The following FMN2 variants were observed in gnomAD, a reference collection of about 807,000 sequenced individuals.
FMN2 encodes formin 2, also known as formin-2.
FMN2 carries 51 observed loss-of-function variants against 142.3 expected under a neutral mutation model. The ratio of observed to expected loss-of-function variants is 0.36; its 90% CI spans 0.29 to 0.45. The LOEUF is 0.45. Among genes scored for constraint, FMN2 ranks in the 20% least tolerant of loss-of-function variants. The pLI is 1.00. For synonymous variants in FMN2, 882 were observed against 869.8 expected (o/e 1.01, Z -0.25); for missense variants, 1,936 against 2,122.8 (o/e 0.91, Z 1.73).
intron 14 of FMN2, 32 bp downstream of exon 14, chr1:240,355,940 T>G: frequency 1.8e-6 from 1 of 547,536 alleles, no homozygotes; most frequent in Admixed American, 3.4e-5. Flanking sequence ...TATGTTTTTC[T>G]CCCCTTTCAG....
At chr1:240,455,491 A>G (rs1050533342) in intron 16 of FMN2, among the ~76,000 whole-genome samples, 2 of 152,210 alleles carry the variant, frequency 1.3e-5, no homozygotes, top group African/African-American at 4.8e-5. Flanking sequence ...GTCCCAACGC[A>G]GTGACTAGCC....
At chr1:240,282,110 T>C (rs1669415973) in intron 7 of FMN2, among the ~76,000 whole-genome samples, 1 of 152,184 alleles carries the variant, frequency 6.6e-6, no homozygotes, top group African/African-American at 2.4e-5. Flanking sequence ...ACAAGGACTG[T>C]TTTCCACACA....
chr1:240,236,385 G>A (rs561087025), intron 6 of FMN2, among the ~76,000 whole-genome samples: 8 of 152,178 alleles, frequency 5.3e-5, no homozygotes, highest in South Asian at 4.1e-4. Flanking sequence ...GTATTTCCTC[G>A]TCGCCAGCAT....
At chr1:240,192,817 T>C (rs1282885963) in intron 4 of FMN2, among the ~76,000 whole-genome samples, 1 of 148,120 alleles carries the variant, frequency 6.8e-6, no homozygotes, top group African/African-American at 2.5e-5. Context: ...GTATTCACCA[T>C]ACTATGTTAA....
chr1:240,215,534 T>A (rs1280655668), intron 6 of FMN2, among the ~76,000 whole-genome samples: 7 of 152,228 alleles, frequency 4.6e-5, no homozygotes, highest in Non-Finnish European at 1.5e-5. Flanking sequence ...TGAGTGTAAG[T>A]ACAGTATTTT....
chr1:240,213,081 T>C (rs761400629), intron 6 of FMN2, among the ~76,000 whole-genome samples: 12 of 152,212 alleles, frequency 7.9e-5, no homozygotes, highest in Non-Finnish European at 1.5e-4. Flanking sequence ...TACTGAAATA[T>C]GATTTACATG....
At chr1:240,196,910 G>C (rs11801848) in intron 4 of FMN2, among the ~76,000 whole-genome samples, 41,982 of 152,086 alleles carry the variant, frequency 0.28, 6,313 homozygotes, top group South Asian at 0.36. Context: ...TATTTTGTTG[G>C]AGGATAAGAT....
intron 16 of FMN2, among the ~76,000 whole-genome samples, chr1:240,440,790 A>C (rs12136687): frequency 0.74 from 112,614 of 152,062 alleles, 42,256 homozygotes; most frequent in African/African-American, 0.86. Context: ...GAGTTGTTTG[A>C]AGAACAACTC....
chr1:240,357,875 G>A (rs1672327298), intron 14 of FMN2, among the ~76,000 whole-genome samples: 1 of 152,082 alleles, frequency 6.6e-6, no homozygotes, highest in African/African-American at 2.4e-5. Context: ...CCAAAGTGCT[G>A]GGATTACAGG....
rs550723570 is a variant in FMN2, at chr1:240,430,175, T to C, written c.4911-7886T>C. 1.2e-4 allele frequency among the ~76,000 whole-genome samples: 19 copies of C among 152,246 alleles called. No individual in the cohort carries two copies. The South Asian group carries it at 1.7e-3, about 13-fold the overall frequency. On this transcript the variant is annotated intron_variant, in intron 15 of 17. Transcript: ENST00000319653. ...TGCTGGGATTACAGGCGTGAGCCAC[T>C]GCACCCGGCCTGAACATTCTTGTAT...
intron 2 of FMN2, among the ~76,000 whole-genome samples, chr1:240,145,582 C>T (rs1262671417): frequency 8.2e-6 from 1 of 122,300 alleles, no homozygotes; most frequent in East Asian, 2.5e-4. Context: ...TGCTCTGTGA[C>T]CCAGGCTGGA....
intron 3 of FMN2, among the ~76,000 whole-genome samples, chr1:240,184,948 T>TCCCCTTCTCTTTCTCCCTCCTATACCTG (rs1558344851): frequency 9.7e-5 from 7 of 72,152 alleles, no homozygotes; most frequent in South Asian, 5.3e-4. Context: ...TCCTATACCT[T>TCCCCTTCTCTTTCTCCCTCCTATACCTG]CCCCTTCTCT....
chr1:240,240,723 A>G (rs1439492814), intron 6 of FMN2, among the ~76,000 whole-genome samples: 1 of 152,228 alleles, frequency 6.6e-6, no homozygotes, highest in Non-Finnish European at 1.5e-5. Context: ...TAATATGAAA[A>G]TTATAGATAG....
At chr1:240,112,324 G>C (rs1661843312) in intron 1 of FMN2, among the ~76,000 whole-genome samples, 3 of 151,944 alleles carry the variant, frequency 2.0e-5, no homozygotes, top group South Asian at 4.1e-4. Context: ...TAGAGACCGG[G>C]TTTCACCCTG....
chr1:240,123,559 A>C (rs1305533946), intron 2 of FMN2, among the ~76,000 whole-genome samples: 1 of 151,718 alleles, frequency 6.6e-6, no homozygotes, highest in East Asian at 1.9e-4. Context: ...TACATTTGCC[A>C]AACCTCCTTT....
At chr1:240,404,478 A>G (rs1476601419) in intron 15 of FMN2, among the ~76,000 whole-genome samples, 1 of 152,202 alleles carries the variant, frequency 6.6e-6, no homozygotes, top group Non-Finnish European at 1.5e-5. Flanking sequence ...CCAAACAATG[A>G]CATCATTCCC....
intron 16 of FMN2, among the ~76,000 whole-genome samples, chr1:240,442,820 T>G (rs369544305): frequency 3.0e-4 from 45 of 152,336 alleles, no homozygotes; most frequent in African/African-American, 9.4e-4. Context: ...GGATAGGGCT[T>G]CTGTCTTTCT....
chr1:240,420,520 T>C (rs562841919), intron 15 of FMN2, among the ~76,000 whole-genome samples: 1 of 152,350 alleles, frequency 6.6e-6, no homozygotes, highest in East Asian at 1.9e-4. Context: ...ATTGTTGTCC[T>C]ATTGTCCTGC....
intron 6 of FMN2, 138 bp from the exon 7 acceptor site, chr1:240,257,807 A>C: frequency 1.5e-6 from 1 of 683,018 alleles, no homozygotes; most frequent in Non-Finnish European, 2.5e-6. Flanking sequence ...ATTAAAAAAA[A>C]CACTGTTTTG....
Sources: gnomAD v4.1 joint callset for allele counts (sites outside exome capture counted in the v4.1 genomes callset) on GRCh38, gnomAD v4.1.1 for gene constraint, MANE v1.5 for transcripts, NCBI Gene and HGNC (gene_info 2026-07-23, HGNC 2026-07-21) for gene names.